SLC13A4: variants seen among roughly 807,000 people sequenced by gnomAD.
The protein encoded by SLC13A4 is solute carrier family 13 member 4, also known as Na(+)/sulfate cotransporter SUT-1.
In SLC13A4, 28 loss-of-function variants were observed where a neutral mutation model predicts 72.7. That is an observed-to-expected ratio of 0.39 (90% CI 0.29 to 0.53). The LOEUF (loss-of-function observed/expected upper bound fraction) is 0.53, where lower values mean the gene tolerates loss of function less well. Among genes scored for constraint, SLC13A4 ranks in the 20% least tolerant of loss-of-function variants. The probability of loss-of-function intolerance (pLI) is 0.78; values close to 1 mark genes in which losing one functional copy is unlikely to be tolerated. For synonymous variants in SLC13A4, 312 were observed against 325.5 expected, an observed-to-expected ratio of 0.96 and a Z score of 0.45; for missense variants, 653 against 788.0, an observed-to-expected ratio of 0.83 and a Z score of 2.05.
intron 2 of SLC13A4, among the ~76,000 whole-genome samples, chr7:135,711,211 G>A (rs980575781): frequency 1.3e-5 from 2 of 152,170 alleles, no homozygotes; most frequent in African/African-American, 2.4e-5. Flanking sequence ...TGTGGGAGAT[G>A]GTCTTTCCAC....
At position 135,727,713 on chromosome 7, in the gene SLC13A4, A is replaced by G; in HGVS notation, c.-217T>C. 1 of 513,356 alleles carries G rather than the reference A, an allele frequency of 1.9e-6. No homozygotes were observed. 31.8% of individuals were successfully genotyped at this position (513,356 alleles called of 1,614,324 possible). A position where few individuals can be genotyped will look rare whatever the true frequency, so the allele number is the denominator to read the frequency against. ...CCTCCTGCTTTAGGTGGGATTGATG[A>G]GCATCGTTTTGTGACCAGCAAAAAG... On this transcript the variant is annotated 5_prime_UTR_variant, in exon 1 of 16. Coordinates refer to ENST00000682651, the MANE Select transcript of SLC13A4 (RefSeq NM_001318192.2).
At chr7:135,715,313 G>A (rs1158666908) in intron 2 of SLC13A4, among the ~76,000 whole-genome samples, 1 of 123,010 alleles carries the variant, frequency 8.1e-6, no homozygotes, top group African/African-American at 4.1e-5. Context: ...ATCTAAGCAT[G>A]TGTATGTGTG....
chr7:135,700,579 A>G (rs1438578229), intron 7 of SLC13A4, among the ~76,000 whole-genome samples: 1 of 152,242 alleles, frequency 6.6e-6, no homozygotes, highest in Non-Finnish European at 1.5e-5. Context: ...TCTTTGGTCC[A>G]GTGGTTTTCC....
intron 2 of SLC13A4, among the ~76,000 whole-genome samples, chr7:135,715,358 AGT>A (rs1221197003): frequency 7.9e-5 from 10 of 126,754 alleles, no homozygotes; most frequent in East Asian, 4.7e-4. Flanking sequence ...CGTGTGTATG[AGT>A]GTATGTGTAT....
At chr7:135,726,947 C>A (rs957497077) in intron 1 of SLC13A4, among the ~76,000 whole-genome samples, 1 of 152,224 alleles carries the variant, frequency 6.6e-6, no homozygotes, top group African/African-American at 2.4e-5. Context: ...CTCCACGGTT[C>A]TCTTCCTCCC....
At chr7:135,697,550 T>C (rs558263479) in intron 8 of SLC13A4, among the ~76,000 whole-genome samples, 142 of 151,390 alleles carry the variant, frequency 9.4e-4, no homozygotes, top group Admixed American at 1.6e-3. Flanking sequence ...TGAATTGCCT[T>C]CCTGCTGTCT....
chr7:135,702,959 G>C, intron 5 of SLC13A4, 75 bp from the exon 6 acceptor site: 3 of 1,103,468 alleles, frequency 2.7e-6, no homozygotes, highest in Non-Finnish European at 4.2e-6. Flanking sequence ...CCTGCATCAG[G>C]CGTTTGGTGT....
At chr7:135,718,868 T>C (rs1001602485) in intron 2 of SLC13A4, among the ~76,000 whole-genome samples, 3 of 152,158 alleles carry the variant, frequency 2.0e-5, no homozygotes, top group African/African-American at 4.8e-5. Context: ...GGTTGTGGAA[T>C]AGGTGTTTTC....
At chr7:135,692,456 A>C (rs781747924) in intron 10 of SLC13A4, 32 bp from the exon 11 acceptor site, 4 of 1,502,216 alleles carry the variant, frequency 2.7e-6, no homozygotes, top group Non-Finnish European at 3.6e-6. Flanking sequence ...CCCACTCAGG[A>C]ACTGAGAAAT....
chr7:135,704,691 A>G (rs966469171), intron 5 of SLC13A4: 1 of 152,228 alleles, frequency 6.6e-6, no homozygotes, highest in Non-Finnish European at 1.5e-5. Context: ...ATGTCTGAAC[A>G]TGAGATTGTT....
At chr7:135,705,851 G>C in intron 4 of SLC13A4, 1 of 595,794 alleles carries the variant, frequency 1.7e-6, no homozygotes, top group Non-Finnish European at 3.0e-6. Context: ...TGAGCATTTG[G>C]GGGCAAAGAG....
chr7:135,696,345 TTTTTTA>T (rs1449287824), intron 8 of SLC13A4, among the ~76,000 whole-genome samples: 1 of 152,140 alleles, frequency 6.6e-6, no homozygotes, highest in African/African-American at 2.4e-5. Context: ...TTCCTTTTAT[TTTTTTA>T]TTTTTATTTT....
In SLC13A4 at chr7:135,727,728, C is replaced by T. The variant is rs1422999748; in HGVS notation, c.-232G>A. ...GGGATTGATGAGCATCGTTTTGTGA[C>T]CAGCAAAAAGGAACTGGGAAAGGAT... On this transcript the variant is annotated 5_prime_UTR_variant, in exon 1 of 16. Coordinates refer to ENST00000682651, the MANE Select transcript of SLC13A4 (RefSeq NM_001318192.2). 6 of 476,582 alleles carry T rather than the reference C, an allele frequency of 1.3e-5. No individual in the cohort carries two copies. The highest frequency in any genetic ancestry group is 5.0e-4 in the Middle Eastern group (1 of 2,014). 29.5% of individuals were successfully genotyped at this position (476,582 alleles called of 1,614,324 possible).
At chr7:135,714,695 C>T (rs1217610034) in intron 2 of SLC13A4, among the ~76,000 whole-genome samples, 1 of 152,198 alleles carries the variant, frequency 6.6e-6, no homozygotes, top group Non-Finnish European at 1.5e-5. Flanking sequence ...TATGAAATGC[C>T]CCCAGGCTTA....
intron 5 of SLC13A4, chr7:135,703,213 C>T: frequency 3.2e-6 from 1 of 308,370 alleles, no homozygotes; most frequent in Non-Finnish European, 6.1e-6. Context: ...TAATCCTCAT[C>T]ACAGATCTAT....
chr7:135,724,520 A>G (rs1164690775), intron 1 of SLC13A4, among the ~76,000 whole-genome samples: 33 of 87,134 alleles, frequency 3.8e-4, no homozygotes, highest in East Asian at 2.2e-3. Context: ...AAAAAAAAAA[A>G]AAGAAGAAAG....
At chr7:135,706,033 G>A (rs1796152706) in intron 4 of SLC13A4, 95 bp downstream of exon 4, 3 of 1,263,884 alleles carry the variant, frequency 2.4e-6, no homozygotes, top group Non-Finnish European at 3.3e-6. Flanking sequence ...CCTGGGGTGG[G>A]CACAAAGTTG....
At chr7:135,711,274 T>C (rs913827363) in intron 2 of SLC13A4, among the ~76,000 whole-genome samples, 2 of 152,018 alleles carry the variant, frequency 1.3e-5, no homozygotes, top group Admixed American at 6.5e-5. Context: ...GACTGGGGTG[T>C]CTTTCCCCAG....
At chr7:135,718,389 A>G (rs552795695) in intron 2 of SLC13A4, among the ~76,000 whole-genome samples, 1 of 152,276 alleles carries the variant, frequency 6.6e-6, no homozygotes, top group South Asian at 2.1e-4. Flanking sequence ...ACTGAAGATG[A>G]CATTACTGAC....
Sources: gnomAD v4.1 joint callset for allele counts (sites outside exome capture counted in the v4.1 genomes callset) on GRCh38, gnomAD v4.1.1 for gene constraint, MANE v1.5 for transcripts, NCBI Gene and HGNC (gene_info 2026-07-23, HGNC 2026-07-21) for gene names.